PDE11A: variants seen among roughly 807,000 people sequenced by gnomAD.
The protein encoded by PDE11A is dual 3',5'-cyclic-AMP and -GMP phosphodiesterase 11A.
Under a neutral mutation model 100.5 loss-of-function variants are expected in PDE11A, and 100 were observed. The observed-to-expected ratio is 1.00, with a 90% CI of 0.85 to 1.18. PDE11A has a LOEUF of 1.18. PDE11A is among the 50% of genes most tolerant of loss of function. The pLI, the probability that PDE11A is intolerant of heterozygous loss-of-function variation, is 0.00. For missense variants in PDE11A, 1,141 were observed against 1,152.6 expected (o/e 0.99, Z 0.15); for synonymous variants, 381 against 420.8 (o/e 0.91, Z 1.16).
intron 14 of PDE11A, 94 bp downstream of exon 14, chr2:177,701,027 G>C: frequency 2.6e-6 from 2 of 782,254 alleles, no homozygotes; most frequent in Non-Finnish European, 4.6e-6. Context: ...CCACTGCTTT[G>C]TGTCTACCTG....
At chr2:177,662,538 A>G (rs907188774) in intron 19 of PDE11A, among the ~76,000 whole-genome samples, 5 of 152,250 alleles carry the variant, frequency 3.3e-5, no homozygotes, top group Admixed American at 1.3e-4. Context: ...AGCTTTGCAC[A>G]TGGGGGACTG....
chr2:177,989,323 C>G (rs1320374197), intron 2 of PDE11A, among the ~76,000 whole-genome samples: 2 of 152,154 alleles, frequency 1.3e-5, no homozygotes, highest in African/African-American at 4.8e-5. Flanking sequence ...AGCTAGTAGT[C>G]ATAGCACAGT....
intron 10 of PDE11A, among the ~76,000 whole-genome samples, chr2:177,746,591 A>G (rs2081951411): frequency 6.6e-6 from 1 of 152,242 alleles, no homozygotes; most frequent in Non-Finnish European, 1.5e-5. Flanking sequence ...AAAAGGAAAA[A>G]GAATCAGTCT....
chr2:177,891,150 C>G (rs1393761717), intron 4 of PDE11A, among the ~76,000 whole-genome samples: 1 of 152,070 alleles, frequency 6.6e-6, no homozygotes, highest in Non-Finnish European at 1.5e-5. Flanking sequence ...AAGGTTACCC[C>G]TTTTTCAAGT....
In PDE11A at chr2:177,704,081, A is replaced by G. The variant is rs139336193; in HGVS notation, c.2154-2870T>C. ...CACTGAACCAGACTAATGCCATGAA[A>G]GTGTGGGGAGACTTTGTTATTCATT... On this transcript the variant is annotated intron_variant, in intron 13 of 19. Transcript: ENST00000286063. 9.8e-5 allele frequency among the ~76,000 whole-genome samples: 15 copies of G among 152,342 alleles called. No individual in the cohort carries two copies. The East Asian group carries it at 2.9e-3, about 29-fold the overall frequency.
In PDE11A at chr2:177,711,888, A is replaced by T; in HGVS notation, c.2044-10T>A. On this transcript the variant is annotated splice_polypyrimidine_tract_variant and intron_variant, in intron 12 of 19. Coordinates refer to ENST00000286063, the MANE Select transcript of PDE11A (RefSeq NM_016953.4). ...CTTGAAACCCAGCAGTCTGGGAAGA[A>T]GGGGAAAATGGCAACAGTCACTACT... The T allele has an allele frequency of 6.7e-7, 1 of 1,497,348 alleles. No homozygotes were observed. Among genetic ancestry groups the T allele is most frequent in the Non-Finnish European group, 9.3e-7 (1 of 1,073,848 alleles). The allele number at this position is 1,497,348 out of a possible 1,614,324, so 92.8% of individuals were successfully genotyped here. A position where few individuals can be genotyped will look rare whatever the true frequency, so the allele number is the denominator to read the frequency against.
At position 177,853,101 on chromosome 2, in the gene PDE11A, G is replaced by C. The variant is rs577243293; in HGVS notation, c.1368-12718C>G. Among the ~76,000 whole-genome samples, 42 of 148,500 alleles carry C rather than the reference G, an allele frequency of 2.8e-4. 1 individual carries two copies. In the South Asian group the frequency reaches 9.2e-3, roughly 33 times the overall value. On this transcript the variant is annotated intron_variant, in intron 5 of 19. Transcript: ENST00000286063. ...CATCTAGCATCATATAATGACAATT[G>C]CCTGCTTCTGTCACAGCTGAATAAA...
At chr2:177,866,693 G>A (rs990782515) in intron 5 of PDE11A, among the ~76,000 whole-genome samples, 1 of 152,124 alleles carries the variant, frequency 6.6e-6, no homozygotes, top group East Asian at 1.9e-4. Context: ...TATTGTATTC[G>A]CTTGTACTAA....
intron 2 of PDE11A, among the ~76,000 whole-genome samples, chr2:177,915,467 C>T (rs1315065230): frequency 1.3e-5 from 2 of 152,278 alleles, no homozygotes; most frequent in Non-Finnish European, 2.9e-5. Flanking sequence ...TTCAGATTGG[C>T]TTCTTTTACT....
At chr2:177,931,911 CAAAAAAAA>C (rs71410773) in intron 2 of PDE11A, among the ~76,000 whole-genome samples, 11 of 80,264 alleles carry the variant, frequency 1.4e-4, no homozygotes, top group Middle Eastern at 6.3e-3. Context: ...GCTAGATTAA[CAAAAAAAA>C]AAAAAAAAAA....
chr2:177,710,109 A>T (rs2081338260), intron 13 of PDE11A, among the ~76,000 whole-genome samples: 2 of 151,970 alleles, frequency 1.3e-5, no homozygotes, highest in South Asian at 4.1e-4. Flanking sequence ...GGGACAGCAG[A>T]TACAGGAGGG....
chr2:178,063,415 T>G (rs577103968), intron 1 of PDE11A, among the ~76,000 whole-genome samples: 1 of 152,240 alleles, frequency 6.6e-6, no homozygotes, highest in African/African-American at 2.4e-5. Flanking sequence ...AGAAAGTTCA[T>G]ACTCACAGAC....
chr2:177,998,892 G>A (rs1211386770), intron 2 of PDE11A: 1 of 513,786 alleles, frequency 1.9e-6, no homozygotes, highest in Non-Finnish European at 3.6e-6. Context: ...GCTCTTTAAA[G>A]TGTAAAACAA....
intron 5 of PDE11A, among the ~76,000 whole-genome samples, chr2:177,865,675 A>G (rs1225874886): frequency 2.6e-5 from 4 of 152,268 alleles, no homozygotes; most frequent in Admixed American, 2.6e-4. Flanking sequence ...TCCATAAAAA[A>G]GAATGAAGGA....
intron 18 of PDE11A, among the ~76,000 whole-genome samples, chr2:177,665,103 G>A (rs1482968852): frequency 6.6e-6 from 1 of 152,098 alleles, no homozygotes; most frequent in African/African-American, 2.4e-5. Context: ...AAAGAAGACT[G>A]GAATTTGGAG....
At chr2:177,813,423 T>C (rs75989515) in intron 9 of PDE11A, among the ~76,000 whole-genome samples, 1,862 of 152,244 alleles carry the variant, frequency 0.012, 33 homozygotes, top group African/African-American at 0.042. Flanking sequence ...AATGAATATA[T>C]AGAAATCAGT....
At chr2:178,024,458 A>G (rs145009464) in intron 1 of PDE11A, among the ~76,000 whole-genome samples, 165 of 152,322 alleles carry the variant, frequency 1.1e-3, no homozygotes, top group African/African-American at 3.7e-3. Context: ...TGGGGTCTGA[A>G]GACAACAGGT....
chr2:177,652,147 C>G (rs2080320666), intron 19 of PDE11A, among the ~76,000 whole-genome samples: 1 of 152,202 alleles, frequency 6.6e-6, no homozygotes, highest in African/African-American at 2.4e-5. Flanking sequence ...GCTGCTGCAG[C>G]TTGGATGAGG....
At chr2:177,872,810 G>A (rs966896338) in intron 5 of PDE11A, among the ~76,000 whole-genome samples, 14 of 151,852 alleles carry the variant, frequency 9.2e-5, no homozygotes, top group Non-Finnish European at 2.9e-5. Flanking sequence ...CCATGTCACT[G>A]GTGAAGTAAA....
Sources: allele counts gnomAD v4.1 joint callset (sites outside exome capture counted in the v4.1 genomes callset), GRCh38; gene constraint gnomAD v4.1.1; transcripts MANE v1.5; gene names NCBI Gene and HGNC (gene_info 2026-07-23, HGNC 2026-07-21).